Variants in CFAP61 observed in about 807,000 individuals in gnomAD.
CFAP61 encodes cilia and flagella associated protein 61.
Under a neutral mutation model 135.6 loss-of-function variants are expected in CFAP61, and 107 were observed. The observed-to-expected ratio is 0.79, with a 90% CI of 0.67 to 0.93. The LOEUF is 0.93. Ranked by LOEUF, CFAP61 falls within the 40% of genes least tolerant of loss-of-function variation. CFAP61 has a pLI of 0.00. For missense variants in CFAP61, 1,507 were observed against 1,556.2 expected (o/e 0.97, Z 0.53); for synonymous variants, 575 against 578.5 (o/e 0.99, Z 0.09).
chr20:20,315,791 G>A (rs1485152947), intron 25 of CFAP61, among the ~76,000 whole-genome samples: 4 of 152,174 alleles, frequency 2.6e-5, no homozygotes, highest in African/African-American at 4.8e-5. Context: ...TTATTAAATA[G>A]GGAATCCTTT....
intron 8 of CFAP61, among the ~76,000 whole-genome samples, chr20:20,119,044 T>C (rs950593303): frequency 1.4e-4 from 22 of 152,282 alleles, no homozygotes; most frequent in African/African-American, 4.8e-4. Flanking sequence ...GAAATTTTTG[T>C]GTCTATGTTC....
chr20:20,199,927 G>T, intron 17 of CFAP61, 25 bp downstream of exon 17: 1 of 1,611,864 alleles, frequency 6.2e-7, no homozygotes. Context: ...GGCAGGCAGG[G>T]CGGCGCGGTG....
intron 17 of CFAP61, among the ~76,000 whole-genome samples, chr20:20,201,870 C>T (rs866987794): frequency 6.6e-6 from 1 of 152,176 alleles, no homozygotes; most frequent in Non-Finnish European, 1.5e-5. Flanking sequence ...CCTCTGGCAG[C>T]GTGGGTGGCC....
chr20:20,269,386 T>C (rs938983051), intron 21 of CFAP61, among the ~76,000 whole-genome samples: 1 of 151,458 alleles, frequency 6.6e-6, no homozygotes, highest in Non-Finnish European at 1.5e-5. Context: ...TACACACACA[T>C]ATATAGACAG....
intron 26 of CFAP61, among the ~76,000 whole-genome samples, chr20:20,350,523 G>A (rs1461907392): frequency 6.6e-6 from 1 of 152,198 alleles, no homozygotes; most frequent in Non-Finnish European, 1.5e-5. Context: ...CAGCTACTCG[G>A]GAGGCTGAGG....
intron 9 of CFAP61, among the ~76,000 whole-genome samples, chr20:20,144,952 T>G (rs2051748010): frequency 6.6e-6 from 1 of 152,088 alleles, no homozygotes; most frequent in Non-Finnish European, 1.5e-5. Context: ...CAAAATAAAA[T>G]ATGAAATAAA....
At chr20:20,237,897 ATTTAAGATGAAATAATAC>A (rs1192826615) in intron 18 of CFAP61, among the ~76,000 whole-genome samples, 2 of 152,214 alleles carry the variant, frequency 1.3e-5, no homozygotes, top group African/African-American at 4.8e-5. Context: ...ATGTTAGAGA[ATTTAAGATGAAATAATAC>A]AATGTGTGGT....
At chr20:20,059,085 C>T (rs1243898410) in intron 2 of CFAP61, among the ~76,000 whole-genome samples, 1 of 152,030 alleles carries the variant, frequency 6.6e-6, no homozygotes, top group Non-Finnish European at 1.5e-5. Flanking sequence ...AATCCCAGCA[C>T]TTTGGGAGGC....
At chr20:20,165,785 T>C (rs558062588) in intron 11 of CFAP61, among the ~76,000 whole-genome samples, 3 of 152,352 alleles carry the variant, frequency 2.0e-5, no homozygotes, top group East Asian at 3.9e-4. Context: ...TGTTGTACTT[T>C]AACTTTTTTC....
intron 26 of CFAP61, among the ~76,000 whole-genome samples, chr20:20,358,028 T>A (rs2059317606): frequency 8.1e-6 from 1 of 123,206 alleles, no homozygotes; most frequent in African/African-American, 3.2e-5. Flanking sequence ...GGGGAGGTGG[T>A]CACACTGAGG....
chr20:20,228,131 TA>T, intron 17 of CFAP61, 117 bp from the exon 18 acceptor site: 1 of 771,888 alleles, frequency 1.3e-6, no homozygotes, highest in Non-Finnish European at 2.0e-6. Flanking sequence ...TGGGCACTAT[TA>T]GGTTTGTTTT....
At chr20:20,357,920 G>GAGGTGGTCACACTGAGGGA (rs1270296174) in intron 26 of CFAP61, among the ~76,000 whole-genome samples, 1 of 140,494 alleles carries the variant, frequency 7.1e-6, no homozygotes, top group Non-Finnish European at 1.5e-5. Context: ...ACACTGAGGG[G>GAGGTGGTCACACTGAGGGA]AGGTGGTCAC....
In CFAP61 at chr20:20,288,940, TACG is replaced by T. The variant is rs1287959892; in HGVS notation, c.3124+6_3124+8del. On this transcript the variant is annotated splice_donor_5th_base_variant and intron_variant, in intron 23 of 26. Transcript: ENST00000245957. ...TACAAGGGAGCCAAGATTCAAGGTA[TACG>T]AGTAGGCTTCCTTCTCCTTGATGAA... is the stretch of plus-strand genomic sequence containing the variant. 5 of 1,599,726 alleles carry T rather than the reference TACG, an allele frequency of 3.1e-6. No homozygotes were observed. Among genetic ancestry groups the T allele is most frequent in the Non-Finnish European group, 3.4e-6 (4 of 1,168,506 alleles).
intron 13 of CFAP61, among the ~76,000 whole-genome samples, chr20:20,182,927 T>G (rs1170794285): frequency 5.3e-5 from 8 of 152,156 alleles, no homozygotes; most frequent in Non-Finnish European, 1.0e-4. Flanking sequence ...ACACACTAAG[T>G]AAAGAATCCA....
At chr20:20,102,779 C>G in intron 8 of CFAP61, among the ~76,000 whole-genome samples, 1 of 152,118 alleles carries the variant, frequency 6.6e-6, no homozygotes, top group Non-Finnish European at 1.5e-5. Context: ...CCAAAATAAA[C>G]TGCTTATTCT....
intron 25 of CFAP61, among the ~76,000 whole-genome samples, chr20:20,339,659 C>G (rs918155386): frequency 1.7e-4 from 26 of 151,662 alleles, no homozygotes; most frequent in African/African-American, 6.1e-4. Context: ...ATTTTTTATT[C>G]TTTGTAGAGA....
At chr20:20,324,966 AT>A (rs1386926033) in intron 25 of CFAP61, among the ~76,000 whole-genome samples, 1 of 152,208 alleles carries the variant, frequency 6.6e-6, no homozygotes, top group African/African-American at 2.4e-5. Context: ...CATTGCAAAT[AT>A]TTTACAGCCT....
chr20:20,155,802 G>A (rs1463143075), intron 9 of CFAP61, among the ~76,000 whole-genome samples: 2 of 152,042 alleles, frequency 1.3e-5, no homozygotes, highest in Non-Finnish European at 2.9e-5. Flanking sequence ...GAAAAGGGAA[G>A]AGTTTTTCAA....
intron 7 of CFAP61, among the ~76,000 whole-genome samples, chr20:20,096,065 G>A (rs1372533066): frequency 2.6e-5 from 4 of 152,124 alleles, no homozygotes; most frequent in African/African-American, 9.7e-5. Flanking sequence ...GAAGACACTT[G>A]TGGTGAAAAG....
Sources: gnomAD v4.1 joint callset for allele counts (sites outside exome capture counted in the v4.1 genomes callset) on GRCh38, gnomAD v4.1.1 for gene constraint, MANE v1.5 for transcripts, NCBI Gene and HGNC (gene_info 2026-07-23, HGNC 2026-07-21) for gene names.